The following MCTP1 variants were observed in gnomAD, a reference collection of about 807,000 sequenced individuals.
MCTP1 encodes the protein multiple C2 and transmembrane domain-containing protein 1.
Under a neutral mutation model 120.6 loss-of-function variants are expected in MCTP1, and 69 were observed. That is an observed-to-expected ratio of 0.57 (90% CI 0.47 to 0.70). MCTP1 has a LOEUF of 0.70. MCTP1 is among the 30% of genes least tolerant of loss of function. MCTP1 has a pLI of 0.00. For missense variants in MCTP1, 1,203 were observed against 1,248.8 expected, an observed-to-expected ratio of 0.96 and a Z score of 0.55; for synonymous variants, 529 against 493.1, an observed-to-expected ratio of 1.07 and a Z score of -0.96.
At chr5:94,842,979 AT>A (rs1206796437) in intron 17 of MCTP1, among the ~76,000 whole-genome samples, 12 of 152,066 alleles carry the variant, frequency 7.9e-5, no homozygotes, top group Non-Finnish European at 1.5e-4. Flanking sequence ...TACCATTAAT[AT>A]TAAAAACAAT....
chr5:94,893,632 A>C (rs1177331231), intron 11 of MCTP1, among the ~76,000 whole-genome samples: 1 of 152,236 alleles, frequency 6.6e-6, no homozygotes, highest in African/African-American at 2.4e-5. Context: ...ACATCCTGCT[A>C]ATCTGTTTGA....
In MCTP1 at chr5:95,095,006, A is replaced by ATTTTTT. The variant is rs756132693; in HGVS notation, c.721-77528_721-77523dup. 6.8e-4 allele frequency among the ~76,000 whole-genome samples: 25 copies of ATTTTTT among 36,964 alleles called. 5 individuals carry two copies. Among genetic ancestry groups the ATTTTTT allele is most frequent in the African/African-American group, 2.2e-3 (18 of 8,046 alleles). The allele number at this position is 36,964 out of a possible 152,430, so 24.2% of individuals were successfully genotyped here. The stretch of plus-strand genomic sequence containing the variant: ...TTTTTTCTTTTATTTGTTATGTTAG[A>ATTTTTT]TTTTTTTTTTTTTTTTTTTTTTTTT... On this transcript the variant is annotated intron_variant, in intron 1 of 22. Coordinates refer to ENST00000515393, the MANE Select transcript of MCTP1 (RefSeq NM_024717.7).
intron 1 of MCTP1, chr5:95,068,825 A>C: frequency 1.0e-5 from 13 of 1,271,180 alleles, no homozygotes; most frequent in Non-Finnish European, 1.3e-5. Flanking sequence ...CTTACCATAC[A>C]GGGTCTGCCA....
At chr5:94,751,174 G>A (rs1429316047) in intron 19 of MCTP1, among the ~76,000 whole-genome samples, 1 of 152,178 alleles carries the variant, frequency 6.6e-6, no homozygotes, top group East Asian at 1.9e-4. Flanking sequence ...TGATAAGTCA[G>A]TAGAGCGACC....
chr5:94,910,829 C>T (rs548722243), intron 9 of MCTP1, among the ~76,000 whole-genome samples: 1 of 140,300 alleles, frequency 7.1e-6, no homozygotes, highest in African/African-American at 2.9e-5. Context: ...TTAATATAAG[C>T]CCCATGGCAG....
At chr5:94,737,799 C>T (rs922306586) in intron 19 of MCTP1, among the ~76,000 whole-genome samples, 2 of 152,160 alleles carry the variant, frequency 1.3e-5, no homozygotes, top group African/African-American at 4.8e-5. Flanking sequence ...CTTCAAGCCT[C>T]CCAAATAGCT....
intron 1 of MCTP1, among the ~76,000 whole-genome samples, chr5:95,044,512 C>T (rs1272257901): frequency 6.6e-6 from 1 of 152,124 alleles, no homozygotes; most frequent in Non-Finnish European, 1.5e-5. Context: ...TAGGTAGCAC[C>T]TGTTCTCTAG....
rs146206373 is a variant in MCTP1 at position 94,894,672 on chromosome 5, G to A, written c.1816C>T (p.Arg606Ter). The A allele has an allele frequency of 9.3e-6, 15 of 1,609,814 alleles. No individual in the cohort carries two copies. The highest frequency in any genetic ancestry group is 1.7e-4 in the Middle Eastern group (1 of 6,036). ...SVNSLEDQKE[R>*]EEILKRYSPL... ...ACATATCTCTTTAATATCTCCTCTC[G>A]TTCCTTCTGGTCCTCCAGGGAGTTG... The change falls in exon 11 of 23, where the codon CGA (arginine) becomes TGA (stop). Residue 606 changes from arginine to a stop codon, truncating the protein, a stop_gained. Coordinates refer to ENST00000515393, the MANE Select transcript of MCTP1 (RefSeq NM_024717.7). LOFTEE classifies it high-confidence loss of function.
chr5:94,912,854 G>A lies in MCTP1; in HGVS notation c.1473C>T (p.Ser491=), dbSNP rs748000446. Reference sequence around the variant, plus strand: ...CAAGCCGGAACTTCACGTAGGGATCGCTCAACCCGTTGGAATCCATGGCCT... The same window carrying A: ...CAAGCCGGAACTTCACGTAGGGATCACTCAACCCGTTGGAATCCATGGCCT... ...DLKAMDSNGL[S]DPYVKFRLGH... The change falls in exon 9 of 23, where the codon AGC becomes AGT. Residue 491 remains serine, a synonymous_variant. Coordinates refer to ENST00000515393, the MANE Select transcript of MCTP1 (RefSeq NM_024717.7). 14 of 1,586,268 alleles carry A rather than the reference G, an allele frequency of 8.8e-6. No homozygotes were observed. The highest frequency in any genetic ancestry group is 6.9e-5 in the African/African-American group (5 of 72,918).
intron 18 of MCTP1, among the ~76,000 whole-genome samples, chr5:94,785,428 T>A (rs17084045): frequency 0.065 from 9,859 of 152,132 alleles, 748 homozygotes; most frequent in African/African-American, 0.18. Context: ...ACTATTAACC[T>A]GGAATGTGCT....
chr5:95,006,484 A>G (rs1382988133), intron 2 of MCTP1, among the ~76,000 whole-genome samples: 1 of 152,198 alleles, frequency 6.6e-6, no homozygotes, highest in Non-Finnish European at 1.5e-5. Context: ...GTTTAAAGAA[A>G]TAACATTAGA....
At chr5:95,087,928 T>C (rs1228378336) in intron 1 of MCTP1, among the ~76,000 whole-genome samples, 2 of 152,168 alleles carry the variant, frequency 1.3e-5, no homozygotes, top group East Asian at 1.9e-4. Context: ...CAGCTAGGTC[T>C]CTCCTTATAA....
intron 2 of MCTP1, among the ~76,000 whole-genome samples, chr5:95,015,289 G>A (rs1836879251): frequency 6.6e-6 from 1 of 152,090 alleles, no homozygotes; most frequent in Non-Finnish European, 1.5e-5. Context: ...ACTTCGGTTA[G>A]TGGTTTTATT....
intron 17 of MCTP1, among the ~76,000 whole-genome samples, chr5:94,860,551 A>G (rs1310421232): frequency 1.3e-5 from 2 of 151,802 alleles, no homozygotes; most frequent in East Asian, 3.9e-4. Flanking sequence ...TAAAGATCAC[A>G]AATGCTCTTT....
intron 1 of MCTP1, among the ~76,000 whole-genome samples, chr5:95,212,209 C>T (rs1054167451): frequency 6.6e-6 from 1 of 152,142 alleles, no homozygotes; most frequent in Admixed American, 6.6e-5. Context: ...CACAGAAACA[C>T]AAACTACCAT....
At chr5:95,113,998 G>A (rs1355206602) in intron 1 of MCTP1, among the ~76,000 whole-genome samples, 1 of 152,170 alleles carries the variant, frequency 6.6e-6, no homozygotes, top group East Asian at 1.9e-4. Flanking sequence ...CCACTTTCCA[G>A]GTTCTACTTG....
chr5:94,856,969 C>T (rs1794832055), intron 17 of MCTP1, among the ~76,000 whole-genome samples: 1 of 151,534 alleles, frequency 6.6e-6, no homozygotes, highest in Non-Finnish European at 1.5e-5. Context: ...TTCTGACAGT[C>T]AAGAGAGAAA....
At chr5:95,200,168 A>AG (rs1217502023) in intron 1 of MCTP1, among the ~76,000 whole-genome samples, 1 of 152,074 alleles carries the variant, frequency 6.6e-6, no homozygotes, top group Non-Finnish European at 1.5e-5. Flanking sequence ...CTCAAAAAAA[A>AG]AAAAAGAAAA....
chr5:94,796,596 C>CAT (rs1188219704), intron 18 of MCTP1, among the ~76,000 whole-genome samples: 178 of 122,198 alleles, frequency 1.5e-3, no homozygotes, highest in African/African-American at 4.6e-3. Context: ...CACACACACA[C>CAT]ATATATATAA....
Sources: allele counts gnomAD v4.1 joint callset (sites outside exome capture counted in the v4.1 genomes callset), GRCh38; gene constraint gnomAD v4.1.1; transcripts MANE v1.5; gene names NCBI Gene and HGNC (gene_info 2026-07-23, HGNC 2026-07-21).